Variants in MAP3K7CL observed in about 807,000 individuals in gnomAD.
MAP3K7CL encodes the protein MAP3K7 C-terminal like.
Under a neutral mutation model 18.6 loss-of-function variants are expected in MAP3K7CL, and 16 were observed. The observed-to-expected ratio is 0.86, with a 90% CI of 0.58 to 1.31. The LOEUF (loss-of-function observed/expected upper bound fraction) is 1.31, where lower values mean the gene tolerates loss of function less well. Ranked by LOEUF, MAP3K7CL falls within the 50% of genes most tolerant of loss-of-function variation. The pLI is 0.00. For missense variants in MAP3K7CL, 163 were observed against 174.4 expected (o/e 0.93, Z 0.37); for synonymous variants, 65 against 66.8 (o/e 0.97, Z 0.13).
At chr21:29,111,488 A>G (rs2086420114) in intron 4 of MAP3K7CL, among the ~76,000 whole-genome samples, 1 of 152,030 alleles carries the variant, frequency 6.6e-6, no homozygotes, top group Non-Finnish European at 1.5e-5. Flanking sequence ...CCACATCAAC[A>G]TGTTTAGATC....
At chr21:29,152,912 G>A (rs1481639221) in intron 3 of MAP3K7CL, among the ~76,000 whole-genome samples, 1 of 152,166 alleles carries the variant, frequency 6.6e-6, no homozygotes, top group Non-Finnish European at 1.5e-5. Flanking sequence ...TTGCCATAAT[G>A]TAGTTATAGA....
intron 3 of MAP3K7CL, among the ~76,000 whole-genome samples, chr21:29,150,949 T>C (rs1216315923): frequency 6.6e-6 from 1 of 151,572 alleles, no homozygotes; most frequent in Non-Finnish European, 1.5e-5. Context: ...TTTGTATTTT[T>C]AGTAGAGACG....
Position 29,120,431 on chromosome 21 carries a change from A to G in MAP3K7CL, c.370+27850A>G, listed in dbSNP as rs76063233. On this transcript the variant is annotated intron_variant, in intron 4 of 6. Coordinates refer to the MAP3K7CL transcript ENST00000286791. The stretch of plus-strand genomic sequence containing the variant: ...TTTGGGCAAATCATTGAAACTTTGT[A>G]AGTCTCAGTTAGTTCCTCTATAAAG... Among the ~76,000 whole-genome samples the G allele has an allele frequency of 6.2e-3, 945 of 152,292 alleles. 3 individuals carry two copies. The highest frequency in any genetic ancestry group is 0.024 in the Middle Eastern group (7 of 294).
rs2086767884 is a variant in MAP3K7CL, at chr21:29,130,926, A to G, written c.-40+3A>G. Reference sequence around the variant, plus strand: ...GTGCAGACACTCAACTAAGTGAGGTAAGCCAACAGGTGTGAAAACTGAACT... The same window carrying G: ...GTGCAGACACTCAACTAAGTGAGGTGAGCCAACAGGTGTGAAAACTGAACT... On this transcript the variant is annotated splice_donor_region_variant and intron_variant, in intron 1 of 4. Transcript: ENST00000399928. 1 of 985,470 alleles carries G rather than the reference A, an allele frequency of 1.0e-6. No homozygotes were observed. The highest frequency in any genetic ancestry group is 5.2e-4 in the Middle Eastern group (1 of 1,914). 61.0% of individuals were successfully genotyped at this position (985,470 alleles called of 1,614,324 possible).
chr21:29,091,740 T>C (rs760207629), exon 3 of MAP3K7CL: 18 of 702,398 alleles, frequency 2.6e-5, no homozygotes, highest in Non-Finnish European at 3.4e-5. Flanking sequence ...GCTTTTGGCT[T>C]CTTGAAGTGC....
chr21:29,115,259 G>A (rs529724727), intron 4 of MAP3K7CL, among the ~76,000 whole-genome samples: 30 of 152,284 alleles, frequency 2.0e-4, no homozygotes, highest in Non-Finnish European at 3.5e-4. Flanking sequence ...CATTTAAATA[G>A]CTAAGCCCCT....
intron 1 of MAP3K7CL, 83 bp from the exon 2 acceptor site, chr21:29,133,221 CTT>C: frequency 1.0e-6 from 1 of 955,144 alleles, no homozygotes; most frequent in Non-Finnish European, 1.6e-6. Flanking sequence ...ACCTTAATAA[CTT>C]CACCTGTAAT....
At chr21:29,091,341 A>G (rs1193299540) in intron 1 of MAP3K7CL, among the ~76,000 whole-genome samples, 1 of 152,184 alleles carries the variant, frequency 6.6e-6, no homozygotes, top group East Asian at 1.9e-4. Flanking sequence ...TACAGTTTTG[A>G]GATTTTAAAA....
intron 4 of MAP3K7CL, among the ~76,000 whole-genome samples, chr21:29,100,151 G>A (rs1233395297): frequency 1.3e-5 from 2 of 150,556 alleles, no homozygotes; most frequent in Middle Eastern, 3.6e-3. Context: ...GCGGCAGCCC[G>A]AATGAATAGG....
chr21:29,125,245 T>C (rs1241477963), intron 4 of MAP3K7CL, among the ~76,000 whole-genome samples: 1 of 152,218 alleles, frequency 6.6e-6, no homozygotes, highest in East Asian at 1.9e-4. Context: ...ATTTTATACT[T>C]GGGGAATTTG....
intron 4 of MAP3K7CL, among the ~76,000 whole-genome samples, chr21:29,121,686 A>G (rs1294038482): frequency 1.3e-5 from 2 of 152,008 alleles, no homozygotes; most frequent in African/African-American, 2.4e-5. Context: ...AAATACTTCA[A>G]TGAGTTTCCT....
chr21:29,113,753 A>G (rs543184051), intron 4 of MAP3K7CL, among the ~76,000 whole-genome samples: 39 of 152,016 alleles, frequency 2.6e-4, no homozygotes, highest in Non-Finnish European at 4.6e-4. Context: ...CAATCTCCTG[A>G]CCTCAGGTGA....
intron 1 of MAP3K7CL, among the ~76,000 whole-genome samples, chr21:29,131,792 T>A (rs2086785930): frequency 6.6e-6 from 1 of 151,762 alleles, no homozygotes; most frequent in African/African-American, 2.4e-5. Context: ...GATGATTCCA[T>A]ATGTATGTAT....
At chr21:29,092,397 T>C (rs1293397919) in intron 3 of MAP3K7CL, 2 of 1,610,658 alleles carry the variant, frequency 1.2e-6, no homozygotes, top group South Asian at 1.1e-5. Context: ...GCGGGGTCAT[T>C]TGTCTCATCA....
Position 29,175,112 on chromosome 21 carries a change from G to A in MAP3K7CL, c.*220G>A. The A allele has an allele frequency of 2.5e-6, 1 of 402,964 alleles. No homozygotes were observed. Among genetic ancestry groups the A allele is most frequent in the Non-Finnish European group, 4.4e-6 (1 of 228,898 alleles). 25.0% of individuals were successfully genotyped at this position (402,964 alleles called of 1,614,324 possible). On this transcript the variant is annotated 3_prime_UTR_variant, in exon 5 of 5. Coordinates refer to ENST00000399928, the MANE Select transcript of MAP3K7CL (RefSeq NM_001286620.2). The stretch of plus-strand genomic sequence containing the variant: ...GAAACTATTACTAGTATATGTTTTT[G>A]GAGATCAGAATTCTTTTCCAAAGAT...
intron 4 of MAP3K7CL, among the ~76,000 whole-genome samples, chr21:29,115,905 G>A (rs2832190): frequency 0.45 from 68,074 of 152,080 alleles, 15,440 homozygotes; most frequent in East Asian, 0.64. Flanking sequence ...AACATTAATT[G>A]AATCTAAAAA....
At chr21:29,151,972 C>A (rs3787662) in intron 3 of MAP3K7CL, among the ~76,000 whole-genome samples, 19,819 of 152,164 alleles carry the variant, frequency 0.13, 2,046 homozygotes, top group African/African-American at 0.28. Flanking sequence ...AGGGTAGTTT[C>A]TGGCTCATGG....
intron 4 of MAP3K7CL, among the ~76,000 whole-genome samples, chr21:29,098,206 C>A (rs2086157472): frequency 6.6e-6 from 1 of 152,178 alleles, no homozygotes; most frequent in South Asian, 2.1e-4. Flanking sequence ...AGTTCCCTTT[C>A]TTTGGAATGA....
chr21:29,106,329 A>G (rs1012779470), intron 4 of MAP3K7CL, among the ~76,000 whole-genome samples: 1 of 152,088 alleles, frequency 6.6e-6, no homozygotes, highest in South Asian at 2.1e-4. Flanking sequence ...GACTACAGGC[A>G]TGCACCACCA....
Sources: allele counts gnomAD v4.1 joint callset (sites outside exome capture counted in the v4.1 genomes callset), GRCh38; gene constraint gnomAD v4.1.1; transcripts MANE v1.5; gene names NCBI Gene and HGNC (gene_info 2026-07-23, HGNC 2026-07-21).